ACP1: variants seen among roughly 807,000 people sequenced by gnomAD.
ACP1 encodes the protein low molecular weight phosphotyrosine protein phosphatase.
Under a neutral mutation model 23.4 loss-of-function variants are expected in ACP1, and 23 were observed. The observed-to-expected ratio is 0.98, with a 90% CI of 0.71 to 1.39. The LOEUF (loss-of-function observed/expected upper bound fraction) is 1.39. Ranked by LOEUF, ACP1 falls within the 40% of genes most tolerant of loss-of-function variation. The pLI is 0.00. For synonymous variants in ACP1, 72 were observed against 67.2 expected, an observed-to-expected ratio of 1.07 and a Z score of -0.35; for missense variants, 180 against 197.7, an observed-to-expected ratio of 0.91 and a Z score of 0.54.
chr2:269,401 A>T (rs970263273), intron 1 of ACP1: 6 of 462,932 alleles, frequency 1.3e-5, no homozygotes, highest in African/African-American at 1.0e-4. Context: ...GTAGTAAGGC[A>T]GTGAGTTGGT....
intron 4 of ACP1, 64 bp from the exon 5 acceptor site, chr2:276,916 C>A: frequency 1.0e-6 from 1 of 964,094 alleles, no homozygotes; most frequent in Non-Finnish European, 1.6e-6. Flanking sequence ...AACACCCTAG[C>A]AGATGTCCCT....
rs1298576345 is a variant in ACP1, at chr2:272,028, C to T, written c.118-9C>T. 1.9e-6 allele frequency: 3 copies of T among 1,611,410 alleles called. No individual in the cohort carries two copies. The African/African-American group carries it at 4.0e-5, about 22-fold the overall frequency. On this transcript the variant is annotated splice_polypyrimidine_tract_variant and intron_variant, in intron 2 of 5. Transcript: ENST00000272065. ...AAAAAAAAAAAATTCCATGTTTCTT[C>T]CCCTGCAGTGGAGGGTAGACAGCGC... is the stretch of plus-strand genomic sequence containing the variant.
intron 4 of ACP1, among the ~76,000 whole-genome samples, chr2:276,759 A>G (rs1438758060): frequency 6.6e-6 from 1 of 152,188 alleles, no homozygotes; most frequent in Non-Finnish European, 1.5e-5. Flanking sequence ...TAACAGAATC[A>G]GTGAGAATAA....
Position 274,930 on chromosome 2 carries a change from G to C in ACP1, c.232-210G>C. ...TATACTATTTTATGATTATTGTATG[G>C]AACTTTATAATACAAAATTTCTTTG... On this transcript the variant is annotated intron_variant, in intron 3 of 5. Coordinates refer to ENST00000272065, the MANE Select transcript of ACP1 (RefSeq NM_004300.4). The C allele has an allele frequency of 1.1e-5, 4 of 364,706 alleles. 1 individual carries two copies. In the South Asian group the frequency reaches 4.1e-4, roughly 38 times the overall value. 22.6% of individuals were successfully genotyped at this position (364,706 alleles called of 1,614,324 possible).
intron 1 of ACP1, among the ~76,000 whole-genome samples, chr2:271,009 G>A (rs1007916435): frequency 6.6e-6 from 1 of 152,164 alleles, no homozygotes; most frequent in Non-Finnish European, 1.5e-5. Context: ...TCTAAAGTAA[G>A]GATGGCCCTG....
Position 265,406 on chromosome 2 carries a change from G to A in ACP1, c.43+399G>A, listed in dbSNP as rs544140321. The A allele has an allele frequency of 1.4e-3, 247 of 174,990 alleles. 1 individual carries two copies. Among genetic ancestry groups the A allele is most frequent in the African/African-American group, 5.4e-3 (231 of 42,416 alleles). The allele number at this position is 174,990 out of a possible 1,614,324, so 10.8% of individuals were successfully genotyped here. A position where few individuals can be genotyped will look rare whatever the true frequency, so the allele number is the denominator to read the frequency against. On this transcript the variant is annotated intron_variant, in intron 1 of 5. Transcript: ENST00000272065. Reference sequence around the variant, plus strand: ...GTCCTATGACAACATTGTTTTGTTTGCTAGTTTCCTTAGCCCATGCTTAGA... The same window carrying A: ...GTCCTATGACAACATTGTTTTGTTTACTAGTTTCCTTAGCCCATGCTTAGA...
At chr2:272,927 T>C (rs991131294) in intron 3 of ACP1, 1 of 154,568 alleles carries the variant, frequency 6.5e-6, no homozygotes, top group African/African-American at 2.4e-5. Flanking sequence ...GGAATCTTCA[T>C]TGGTCAGGTG....
At chr2:276,835 C>T (rs569708862) in intron 4 of ACP1, 145 bp from the exon 5 acceptor site, 125 of 603,122 alleles carry the variant, frequency 2.1e-4, no homozygotes, top group African/African-American at 2.0e-3. Context: ...AGGGGCCACA[C>T]GGGCCTGCTG....
rs866167162 is a variant in ACP1 at position 265,100 on chromosome 2, A to G, written c.43+93A>G. 4.0e-5 allele frequency: 61 copies of G among 1,519,170 alleles called. No homozygotes were observed. In the Middle Eastern group the frequency reaches 1.9e-3, roughly 47 times the overall value. 94.1% of individuals were successfully genotyped at this position (1,519,170 alleles called of 1,614,324 possible). A position where few individuals can be genotyped will look rare whatever the true frequency, so the allele number is the denominator to read the frequency against. On this transcript the variant is annotated intron_variant, in intron 1 of 5. Transcript: ENST00000272065. ...AGGTTGTGCCGCCGGCCTAGGAACC[A>G]TGAGGGGGAGGAGGCCAGGGACTGG... is the stretch of plus-strand genomic sequence containing the variant.
At chr2:273,608 GT>G (rs1259902320) in intron 3 of ACP1, among the ~76,000 whole-genome samples, 2 of 152,316 alleles carry the variant, frequency 1.3e-5, no homozygotes, top group South Asian at 4.1e-4. Flanking sequence ...TGCAGCACTG[GT>G]TTTTTATATG....
chr2:277,499 G>T lies in ACP1; in HGVS notation c.*195G>T. Reference sequence around the variant, plus strand: ...GGCAGGAGAATCAATAAAAATCTTTGATTCAGACAGCTTATGGGGTATTTT... The same window carrying T: ...GGCAGGAGAATCAATAAAAATCTTTTATTCAGACAGCTTATGGGGTATTTT... On this transcript the variant is annotated 3_prime_UTR_variant, in exon 6 of 6. Transcript: ENST00000272065. 1.7e-6 allele frequency: 1 copy of T among 605,210 alleles called. No individual in the cohort carries two copies. Among genetic ancestry groups the T allele is most frequent in the Non-Finnish European group, 3.0e-6 (1 of 338,100 alleles). The allele number at this position is 605,210 out of a possible 1,614,324, so 37.5% of individuals were successfully genotyped here. A position where few individuals can be genotyped will look rare whatever the true frequency, so the allele number is the denominator to read the frequency against.
intron 1 of ACP1, among the ~76,000 whole-genome samples, chr2:270,246 A>G (rs1318328934): frequency 2.0e-5 from 3 of 152,212 alleles, no homozygotes; most frequent in Admixed American, 2.0e-4. Context: ...TGAATAAGTC[A>G]TATTACCCTT....
At chr2:268,175 G>A (rs1348101795) in intron 1 of ACP1, among the ~76,000 whole-genome samples, 1 of 152,210 alleles carries the variant, frequency 6.6e-6, no homozygotes, top group African/African-American at 2.4e-5. Flanking sequence ...AAGAGTTTCA[G>A]CTGTTGTTTT....
intron 1 of ACP1, among the ~76,000 whole-genome samples, chr2:265,519 A>G (rs1669842839): frequency 1.3e-5 from 2 of 152,242 alleles, no homozygotes. Flanking sequence ...GGAGGTCCCT[A>G]TATAACTTTG....
At position 277,381 on chromosome 2, in the gene ACP1, T is replaced by A; in HGVS notation, c.*77T>A. ...CCTGCATTTCTCAGTCGGTGTGTAA[T>A]CACGTTCCAGGGCCCAAAGCCCAGC... is the stretch of plus-strand genomic sequence containing the variant. On this transcript the variant is annotated 3_prime_UTR_variant, in exon 6 of 6. Coordinates refer to ENST00000272065, the MANE Select transcript of ACP1 (RefSeq NM_004300.4). 7.4e-7 allele frequency: 1 copy of A among 1,344,634 alleles called. No individual in the cohort carries two copies. The highest frequency in any genetic ancestry group is 1.1e-6 in the Non-Finnish European group (1 of 935,864). 83.3% of individuals were successfully genotyped at this position (1,344,634 alleles called of 1,614,324 possible).
At chr2:271,393 A>G (rs1670027557) in intron 1 of ACP1, among the ~76,000 whole-genome samples, 1 of 152,080 alleles carries the variant, frequency 6.6e-6, no homozygotes, top group Non-Finnish European at 1.5e-5. Flanking sequence ...GGGGCCAACT[A>G]TAGGACCTGA....
rs1479745764 is a variant in ACP1, at chr2:272,110, T to G, written c.191T>G (p.Met64Arg). Reference protein sequence around the residue: ...NPPDYRGQSCMKRHGIPMSHV... With the variant: ...NPPDYRGQSCRKRHGIPMSHV... The stretch of plus-strand genomic sequence containing the variant: ...CCTGACTACCGAGGGCAGAGCTGCA[T>G]GAAGAGGCACGGCATTCCCATGAGC... Residue 64 changes from methionine (M) to arginine (R), a missense_variant, in exon 3 of 6, where the codon ATG (methionine) becomes AGG (arginine). By Grantham distance (91) the Met-to-Arg change is moderately conservative (BLOSUM62 -1). This residue lies in a region of ACP1 where 132 missense variants were observed against 124.1 expected (regional missense o/e 1.06). Transcript: ENST00000272065. 6.2e-7 allele frequency: 1 copy of G among 1,614,190 alleles called. No individual in the cohort carries two copies. The highest frequency in any genetic ancestry group is 1.7e-5 in the Admixed American group (1 of 60,022).
intron 1 of ACP1, among the ~76,000 whole-genome samples, chr2:269,975 T>TA (rs912458153): frequency 6.6e-6 from 1 of 152,234 alleles, no homozygotes; most frequent in Non-Finnish European, 1.5e-5. Context: ...TGTCTTTTGT[T>TA]ACAGGAGTAT....
chr2:266,024 C>G (rs1325865613), intron 1 of ACP1, among the ~76,000 whole-genome samples: 1 of 152,098 alleles, frequency 6.6e-6, no homozygotes, highest in Admixed American at 6.5e-5. Context: ...TTATCGACAT[C>G]TTTTATTACA....
Sources: gnomAD v4.1 joint callset for allele counts (sites outside exome capture counted in the v4.1 genomes callset) on GRCh38, gnomAD v4.1.1 for gene constraint, gnomAD v4.1.1 regional missense constraint, MANE v1.5 for transcripts, NCBI Gene and HGNC (gene_info 2026-07-23, HGNC 2026-07-21) for gene names.